NEBL: variants seen among roughly 807,000 people sequenced by gnomAD.
NEBL encodes the protein LIM and SH3 protein 2.
NEBL carries 122 observed loss-of-function variants against 140.2 expected under a neutral mutation model. That is an observed-to-expected ratio of 0.87 (90% CI 0.75 to 1.01). The LOEUF is 1.01. Ranked by LOEUF, NEBL falls within the 50% of genes least tolerant of loss-of-function variation. The pLI is 0.00. For missense variants in NEBL, 1,365 were observed against 1,231.3 expected, an observed-to-expected ratio of 1.11 and a Z score of -1.62; for synonymous variants, 436 against 398.9, an observed-to-expected ratio of 1.09 and a Z score of -1.11.
chr10:21,134,237 A>AG (rs952799414), intron 2 of NEBL, among the ~76,000 whole-genome samples: 18 of 152,098 alleles, frequency 1.2e-4, no homozygotes, highest in African/African-American at 4.3e-4. Context: ...AGAAAAAAAA[A>AG]AAAAATCTAA....
At position 20,819,447 on chromosome 10, in the gene NEBL, G is replaced by T. The variant is rs761519235; in HGVS notation, c.2032C>A (p.Arg678=). ...SMTPEIERVR[R]NQEQLSAVKY... ...GCCGCACTCAGCTGCTCCTGGTTTC[G>T]CCTCACTCTCTCTATCTCCGGGGTC... Residue 678 remains arginine (R), a synonymous_variant, in exon 20 of 28, where the codon CGA becomes AGA. Coordinates refer to ENST00000377122, the MANE Select transcript of NEBL (RefSeq NM_006393.3). 5.0e-6 allele frequency: 8 copies of T among 1,614,014 alleles called. No homozygotes were observed. In the South Asian group the frequency reaches 8.8e-5, roughly 18 times the overall value.
In NEBL at chr10:20,815,661, C is replaced by T; in HGVS notation, c.2205G>A (p.Met735Ile). 6.2e-7 allele frequency: 1 copy of T among 1,613,044 alleles called. No homozygotes were observed. The highest frequency in any genetic ancestry group is 1.7e-4 in the Middle Eastern group (1 of 6,058). The change falls in exon 22 of 28, where the codon ATG (methionine) becomes ATA (isoleucine). Residue 735 changes from methionine to isoleucine, a missense_variant. By Grantham distance (10) the Met-to-Ile change is conservative (BLOSUM62 1). Transcript: ENST00000377122. ...RATTLSVTPE[M>I]ERVKKNQENI... is the part of the protein sequence containing the mutation. ...TTTCTTGATTCTTCTTCACTCTTTC[C>T]ATTTCAGGAGTTACACTTAAAGTGG...
intron 3 of NEBL, among the ~76,000 whole-genome samples, chr10:21,227,231 T>A (rs2132250383): frequency 6.6e-6 from 1 of 152,310 alleles, no homozygotes; most frequent in South Asian, 2.1e-4. Context: ...GATAGAGGGT[T>A]CCTTTTCAGG....
chr10:21,063,794 C>T (rs1382887832), intron 2 of NEBL, among the ~76,000 whole-genome samples: 7 of 152,066 alleles, frequency 4.6e-5, no homozygotes, highest in Non-Finnish European at 8.8e-5. Context: ...GGCGTGAACC[C>T]GGGAGGCGGA....
At chr10:21,261,571 C>T (rs116776944) in intron 1 of NEBL, among the ~76,000 whole-genome samples, 2 of 151,350 alleles carry the variant, frequency 1.3e-5, no homozygotes, top group East Asian at 1.9e-4. Context: ...TGCTTAGGCC[C>T]GGGAGGCTGA....
Position 21,019,875 on chromosome 10 carries a change from G to A in NEBL, c.249+242C>T, listed in dbSNP as rs541050454. Among the ~76,000 whole-genome samples, 4 of 152,154 alleles carry A rather than the reference G, an allele frequency of 2.6e-5. No homozygotes were observed. In the East Asian group the frequency reaches 5.8e-4, roughly 22 times the overall value. On this transcript the variant is annotated intron_variant, in intron 3 of 6. Coordinates refer to the NEBL transcript ENST00000417816. The stretch of plus-strand genomic sequence containing the variant: ...TTGTTGGGAAACATTGACTCTGACC[G>A]GAACTCATTTACTTGCCCTAGTCCA...
intron 1 of NEBL, among the ~76,000 whole-genome samples, chr10:21,263,373 C>T (rs1405633135): frequency 1.3e-5 from 2 of 151,822 alleles, no homozygotes; most frequent in African/African-American, 2.4e-5. Flanking sequence ...ATTCTAGGCT[C>T]CTGTTATGTT....
At chr10:20,961,836 T>C (rs1040307521) in intron 3 of NEBL, 5 of 1,339,966 alleles carry the variant, frequency 3.7e-6, no homozygotes, top group East Asian at 4.6e-5. Flanking sequence ...CCACTCGGGA[T>C]AGGCTGGGCC....
At chr10:21,200,432 G>T (rs1437268453) in intron 3 of NEBL, among the ~76,000 whole-genome samples, 1 of 144,926 alleles carries the variant, frequency 6.9e-6, no homozygotes, top group East Asian at 2.1e-4. Context: ...TCCTGTCTCA[G>T]CCTCCTGAGT....
chr10:20,868,151 A>G (rs958365291), intron 7 of NEBL: 1 of 151,996 alleles, frequency 6.6e-6, no homozygotes, highest in Non-Finnish European at 1.5e-5. Context: ...ACTTTCAGCC[A>G]AAAACATAAA....
chr10:21,006,321 A>G (rs1170956582), intron 3 of NEBL, among the ~76,000 whole-genome samples: 4 of 152,218 alleles, frequency 2.6e-5, no homozygotes, highest in Non-Finnish European at 5.9e-5. Flanking sequence ...TGCCAGAACA[A>G]AACGTATTTG....
intron 3 of NEBL, among the ~76,000 whole-genome samples, chr10:21,235,402 G>A (rs561479560): frequency 5.9e-5 from 9 of 152,228 alleles, no homozygotes; most frequent in African/African-American, 1.7e-4. Flanking sequence ...GCAGTGGCGC[G>A]ATCTCGGGTT....
intron 2 of NEBL, among the ~76,000 whole-genome samples, chr10:21,081,535 A>G (rs1277582280): frequency 6.6e-6 from 1 of 152,222 alleles, no homozygotes; most frequent in African/African-American, 2.4e-5. Context: ...TATTTAACAC[A>G]CACATATAAA....
intron 1 of NEBL, among the ~76,000 whole-genome samples, chr10:21,288,241 G>A (rs191518248): frequency 6.5e-4 from 99 of 152,210 alleles, no homozygotes; most frequent in African/African-American, 1.9e-3. Context: ...AGGCCAAGGC[G>A]GGCGGATCAC....
intron 2 of NEBL, chr10:21,125,859 G>T: frequency 6.2e-7 from 1 of 1,613,578 alleles, no homozygotes; most frequent in Non-Finnish European, 8.5e-7. Flanking sequence ...TCTTAGATAC[G>T]TTGAACTTTT....
intron 3 of NEBL, among the ~76,000 whole-genome samples, chr10:20,981,029 A>T (rs949357334): frequency 6.6e-6 from 1 of 152,108 alleles, no homozygotes; most frequent in African/African-American, 2.4e-5. Context: ...GCCCCAAGCG[A>T]TCCTACCACC....
upstream of NEBL, among the ~76,000 whole-genome samples, chr10:20,898,746 G>C (rs1397785469): frequency 6.6e-6 from 1 of 152,048 alleles, no homozygotes; most frequent in Non-Finnish European, 1.5e-5. Flanking sequence ...ACACAAACCT[G>C]TTTATCTCAT....
rs1368299493 is a variant in NEBL at position 20,781,258 on chromosome 10, T to A, written c.*4489A>T. On this transcript the variant is annotated 3_prime_UTR_variant, in exon 28 of 28. Transcript: ENST00000377122. ...TAACATTCCGTGAAGCCCCTTCATT[T>A]GCAAAACATTCAATGTTTTCTTCAA... 6.6e-6 allele frequency: 1 copy of A among 152,646 alleles called. No individual in the cohort carries two copies. Among genetic ancestry groups the A allele is most frequent in the African/African-American group, 2.4e-5 (1 of 41,460 alleles). 9.5% of individuals were successfully genotyped at this position (152,646 alleles called of 1,614,324 possible).
chr10:20,910,286 T>C (rs1451553947), intron 4 of NEBL, among the ~76,000 whole-genome samples: 1 of 152,250 alleles, frequency 6.6e-6, no homozygotes, highest in Non-Finnish European at 1.5e-5. Context: ...CAATTCTTTA[T>C]AGTATTTATC....
Sources: allele counts gnomAD v4.1 joint callset (sites outside exome capture counted in the v4.1 genomes callset), GRCh38; gene constraint gnomAD v4.1.1; transcripts MANE v1.5; gene names NCBI Gene and HGNC (gene_info 2026-07-23, HGNC 2026-07-21).